EIF2AK2: variants seen among roughly 807,000 people sequenced by gnomAD.
EIF2AK2 encodes interferon-induced, double-stranded RNA-activated protein kinase.
EIF2AK2 carries 40 observed loss-of-function variants against 70.5 expected under a neutral mutation model. The ratio of observed to expected loss-of-function variants is 0.57; its 90% CI spans 0.44 to 0.74. The LOEUF (loss-of-function observed/expected upper bound fraction) is 0.74. Ranked by LOEUF, EIF2AK2 falls within the 30% of genes least tolerant of loss-of-function variation. EIF2AK2 has a pLI of 0.00. For missense variants in EIF2AK2, 555 were observed against 644.3 expected, an observed-to-expected ratio of 0.86 and a Z score of 1.50; for synonymous variants, 198 against 220.9, an observed-to-expected ratio of 0.90 and a Z score of 0.92.
At chr2:37,118,278 C>A (rs994055142) in intron 13 of EIF2AK2, among the ~76,000 whole-genome samples, 1 of 152,218 alleles carries the variant, frequency 6.6e-6, no homozygotes, top group Non-Finnish European at 1.5e-5. Context: ...TGTGCCACTG[C>A]ACTCCAGCCT....
intron 10 of EIF2AK2, among the ~76,000 whole-genome samples, chr2:37,134,268 G>T (rs188395873): frequency 1.8e-4 from 28 of 152,160 alleles, no homozygotes; most frequent in Non-Finnish European, 3.8e-4. Context: ...AAGCCACAAG[G>T]CCCTCCCATT....
Position 37,107,042 on chromosome 2 carries a change from T to TG in EIF2AK2, c.*230_*231insC. 3.3e-6 allele frequency: 1 copy of TG among 307,400 alleles called. No homozygotes were observed. Among genetic ancestry groups the TG allele is most frequent in the Non-Finnish European group, 5.5e-6 (1 of 180,480 alleles). 19.0% of individuals were successfully genotyped at this position (307,400 alleles called of 1,614,324 possible). On this transcript the variant is annotated 3_prime_UTR_variant, in exon 17 of 17. Coordinates refer to ENST00000233057, the MANE Select transcript of EIF2AK2 (RefSeq NM_001135651.3). ...GGGCAACAGAGCGAGACTCTGTCTT[T>TG]AAAAAAAAAAAAAGAATAAAGAGAT...
In EIF2AK2 at chr2:37,103,822, A is replaced by T. The variant is rs760997954; in HGVS notation, c.*3451T>A. 2 of 152,114 alleles carry T rather than the reference A, an allele frequency of 1.3e-5. No homozygotes were observed. The highest frequency in any genetic ancestry group is 2.4e-5 in the African/African-American group (1 of 41,410). The allele number at this position is 152,114 out of a possible 1,614,324, so 9.4% of individuals were successfully genotyped here. ...ACATCATGACACACTTGGCCTCTAA[A>T]TGTTTGTGCATGCATTGCCTAAAAA... On this transcript the variant is annotated 3_prime_UTR_variant, in exon 17 of 17. Transcript: ENST00000233057.
intron 1 of EIF2AK2, chr2:37,149,424 C>T (rs7419391): frequency 1.6e-4 from 74 of 459,090 alleles, no homozygotes; most frequent in East Asian, 1.5e-3. Flanking sequence ...TCAATGTGCA[C>T]GAATTTTTCA....
intron 4 of EIF2AK2, among the ~76,000 whole-genome samples, chr2:37,146,526 C>T (rs1259583871): frequency 6.6e-6 from 1 of 152,210 alleles, no homozygotes; most frequent in Non-Finnish European, 1.5e-5. Context: ...TGTACTTCCT[C>T]ATTTAGGTGG....
At chr2:37,115,366 G>C (rs1315898544) in intron 13 of EIF2AK2, 1 of 153,134 alleles carries the variant, frequency 6.5e-6, no homozygotes, top group East Asian at 1.9e-4. Context: ...CTGGACAGAA[G>C]TAAGGATTTC....
At chr2:37,142,020 G>A (rs78918400) in intron 4 of EIF2AK2, among the ~76,000 whole-genome samples, 3 of 152,162 alleles carry the variant, frequency 2.0e-5, no homozygotes, top group African/African-American at 7.2e-5. Context: ...CAGTAAAGCT[G>A]TATACTGGAT....
At chr2:37,111,878 A>AAAAAATATAT (rs1553335064) in intron 14 of EIF2AK2, among the ~76,000 whole-genome samples, 1 of 69,128 alleles carries the variant, frequency 1.4e-5, no homozygotes, top group African/African-American at 6.2e-5. Context: ...AAAAAAAAAA[A>AAAAAATATAT]ATATATATAT....
At chr2:37,120,542 CA>C (rs1674507453) in intron 12 of EIF2AK2, among the ~76,000 whole-genome samples, 2 of 133,216 alleles carry the variant, frequency 1.5e-5, no homozygotes, top group Non-Finnish European at 1.7e-5. Flanking sequence ...AAAAGAACCC[CA>C]AAACATGTCA....
intron 5 of EIF2AK2, among the ~76,000 whole-genome samples, chr2:37,140,123 T>A (rs140421469): frequency 5.1e-4 from 78 of 152,114 alleles, no homozygotes; most frequent in Middle Eastern, 6.8e-3. Context: ...TCAGAGGTGC[T>A]CAAATGGGAA....
Position 37,147,043 on chromosome 2 carries a change from C to A in EIF2AK2, c.120-70G>T. On this transcript the variant is annotated intron_variant, in intron 3 of 16. Transcript: ENST00000233057. ...ACTATCTAAAAACAAGTACTCTAGT[C>A]ATCACTACCTCCTATGACTACCTTT... 2.8e-6 allele frequency: 4 copies of A among 1,441,780 alleles called. No homozygotes were observed. In the East Asian group the frequency reaches 7.3e-5, roughly 26 times the overall value. 89.3% of individuals were successfully genotyped at this position (1,441,780 alleles called of 1,614,324 possible). A position where few individuals can be genotyped will look rare whatever the true frequency, so the allele number is the denominator to read the frequency against.
chr2:37,107,567 T>A (rs779350909), intron 15 of EIF2AK2, 40 bp from the exon 16 acceptor site: 2 of 1,577,858 alleles, frequency 1.3e-6, no homozygotes, highest in African/African-American at 2.7e-5. Flanking sequence ...GGAAATTATT[T>A]ACTTGGGAGG....
At chr2:37,142,454 C>G (rs1675368587) in intron 4 of EIF2AK2, among the ~76,000 whole-genome samples, 1 of 151,616 alleles carries the variant, frequency 6.6e-6, no homozygotes, top group Non-Finnish European at 1.5e-5. Context: ...TTTTATTAAT[C>G]TTGTCAAAAA....
chr2:37,142,951 G>T (rs535266764), intron 4 of EIF2AK2, among the ~76,000 whole-genome samples: 1 of 152,048 alleles, frequency 6.6e-6, no homozygotes, highest in South Asian at 2.1e-4. Context: ...TGTTGGGGCC[G>T]GGCGCGGTGG....
intron 15 of EIF2AK2, among the ~76,000 whole-genome samples, chr2:37,107,873 C>T (rs1674016332): frequency 6.6e-6 from 1 of 152,074 alleles, no homozygotes; most frequent in Non-Finnish European, 1.5e-5. Flanking sequence ...CAGCTGGGTG[C>T]AGTGGCTCAC....
At position 37,106,000 on chromosome 2, in the gene EIF2AK2, G is replaced by A. The variant is rs1443743580; in HGVS notation, c.*1273C>T. The A allele has an allele frequency of 2.6e-5, 4 of 152,208 alleles. No homozygotes were observed. Among genetic ancestry groups the A allele is most frequent in the Non-Finnish European group, 5.9e-5 (4 of 68,038 alleles). The allele number at this position is 152,208 out of a possible 1,614,324, so 9.4% of individuals were successfully genotyped here. ...TACAATAGATACAAAATGTATTTAA[G>A]ATAAAAGGTATAACTATGCAGCAAA... On this transcript the variant is annotated 3_prime_UTR_variant, in exon 17 of 17. Transcript: ENST00000233057.
At chr2:37,135,790 C>G (rs1329605040) in intron 9 of EIF2AK2, among the ~76,000 whole-genome samples, 2 of 152,114 alleles carry the variant, frequency 1.3e-5, no homozygotes, top group Non-Finnish European at 2.9e-5. Flanking sequence ...GCCACCATAC[C>G]TGGCTAATTC....
rs1339584282 is a variant in EIF2AK2, at chr2:37,139,707, C to T, written c.440G>A (p.Gly147Asp). ...MGQKEYSIGTGSTKQEAKQLA... is the reference protein window; with the variant it reads ...MGQKEYSIGTDSTKQEAKQLA... Reference sequence around the variant, plus strand: ...TTGTTTTGCTTCCTGTTTAGTAGAACCTGTACCAATACTATATTCTTTCTG... The same window carrying T: ...TTGTTTTGCTTCCTGTTTAGTAGAATCTGTACCAATACTATATTCTTTCTG... Residue 147 changes from glycine (G) to aspartate (D), a missense_variant, in exon 6 of 17, where the codon GGT becomes GAT. By Grantham distance (94) the Gly-to-Asp change is moderately conservative (BLOSUM62 -1). Around this residue, in one of 3 missense-constraint regions of EIF2AK2, gnomAD observed 208 missense variants for 191.8 expected, o/e 1.08. Transcript: ENST00000233057. 1 of 1,613,836 alleles carries T rather than the reference C, an allele frequency of 6.2e-7. No homozygotes were observed.
intron 14 of EIF2AK2, among the ~76,000 whole-genome samples, chr2:37,114,466 A>G (rs1674265829): frequency 6.6e-6 from 1 of 152,188 alleles, no homozygotes; most frequent in African/African-American, 2.4e-5. Flanking sequence ...ATAACAAAAT[A>G]AGTCCTTGAA....
Sources: allele counts gnomAD v4.1 joint callset (sites outside exome capture counted in the v4.1 genomes callset), GRCh38; gene constraint gnomAD v4.1.1; regional missense constraint gnomAD v4.1.1; transcripts MANE v1.5; gene names NCBI Gene and HGNC (gene_info 2026-07-23, HGNC 2026-07-21).